ZBTB7C: variants seen among roughly 807,000 people sequenced by gnomAD.
The protein encoded by ZBTB7C is zinc finger and BTB domain-containing protein 7C.
Under a neutral mutation model 25.7 loss-of-function variants are expected in ZBTB7C, and 8 were observed. The ratio of observed to expected loss-of-function variants is 0.31; its 90% CI spans 0.18 to 0.56. The LOEUF (loss-of-function observed/expected upper bound fraction) is 0.56. Ranked by LOEUF, ZBTB7C falls within the 20% of genes least tolerant of loss-of-function variation. ZBTB7C has a pLI of 0.91. For missense variants in ZBTB7C, 824 were observed against 855.2 expected (o/e 0.96, Z 0.46); for synonymous variants, 394 against 369.0 (o/e 1.07, Z -0.78).
intron 3 of ZBTB7C, among the ~76,000 whole-genome samples, chr18:48,168,911 G>A (rs1242248064): frequency 1.3e-5 from 2 of 152,182 alleles, no homozygotes; most frequent in South Asian, 4.1e-4. Context: ...AAGATTAGAA[G>A]CAGAAGATTT....
At chr18:48,305,242 T>C (rs1291531334) in intron 2 of ZBTB7C, among the ~76,000 whole-genome samples, 2 of 152,204 alleles carry the variant, frequency 1.3e-5, no homozygotes, top group African/African-American at 4.8e-5. Flanking sequence ...ATTATCTGCG[T>C]GGCTGTTGCT....
At chr18:48,129,084 A>G (rs1371231673) in intron 3 of ZBTB7C, among the ~76,000 whole-genome samples, 8 of 152,094 alleles carry the variant, frequency 5.3e-5, no homozygotes, top group Admixed American at 5.2e-4. Flanking sequence ...ATGATTTCGG[A>G]ACACAGATTC....
At chr18:48,200,370 G>A (rs1018888035) in intron 2 of ZBTB7C, among the ~76,000 whole-genome samples, 2 of 151,994 alleles carry the variant, frequency 1.3e-5, no homozygotes, top group Non-Finnish European at 2.9e-5. Context: ...GGTGTTTGTA[G>A]TACAGGCCAG....
At chr18:48,133,555 G>C (rs2040052352) in intron 3 of ZBTB7C, among the ~76,000 whole-genome samples, 2 of 151,166 alleles carry the variant, frequency 1.3e-5, no homozygotes, top group South Asian at 4.2e-4. Context: ...ATAACATGCA[G>C]AATGTATGAT....
intron 3 of ZBTB7C, chr18:48,083,875 A>G: frequency 1.0e-6 from 1 of 985,404 alleles, no homozygotes; most frequent in Non-Finnish European, 1.2e-6. Flanking sequence ...TTGTCCCTGA[A>G]GAAAGGAAGA....
intron 2 of ZBTB7C, among the ~76,000 whole-genome samples, chr18:48,226,777 T>C (rs1044533291): frequency 1.3e-5 from 2 of 152,088 alleles, no homozygotes; most frequent in Admixed American, 1.3e-4. Context: ...TCCCAGCACT[T>C]TGGGAGGCCA....
chr18:48,377,396 T>G (rs1307765895), intron 1 of ZBTB7C, among the ~76,000 whole-genome samples: 1 of 152,170 alleles, frequency 6.6e-6, no homozygotes, highest in Non-Finnish European at 1.5e-5. Context: ...GAGTTAACTC[T>G]GCTTGGGGAA....
chr18:48,196,777 G>A (rs780936960), intron 2 of ZBTB7C, among the ~76,000 whole-genome samples: 1 of 151,912 alleles, frequency 6.6e-6, no homozygotes, highest in African/African-American at 2.4e-5. Context: ...CCACCCAACC[G>A]ACCAACCAAC....
intron 3 of ZBTB7C, among the ~76,000 whole-genome samples, chr18:48,154,355 A>C (rs1009654602): frequency 6.6e-6 from 1 of 152,202 alleles, no homozygotes; most frequent in African/African-American, 2.4e-5. Flanking sequence ...CTCTGCAGGC[A>C]GGGGCACAGC....
chr18:48,293,197 C>T (rs2144697804), intron 2 of ZBTB7C, among the ~76,000 whole-genome samples: 1 of 152,232 alleles, frequency 6.6e-6, no homozygotes, highest in East Asian at 1.9e-4. Context: ...GTTCTGAAGG[C>T]TGGGAAGCCC....
chr18:48,073,115 G>A (rs997427277), intron 3 of ZBTB7C, among the ~76,000 whole-genome samples: 1 of 152,212 alleles, frequency 6.6e-6, no homozygotes, highest in Non-Finnish European at 1.5e-5. Context: ...CTCAGAACTG[G>A]CCAGAGTGGA....
intron 3 of ZBTB7C, among the ~76,000 whole-genome samples, chr18:48,152,180 A>G (rs2040699945): frequency 6.6e-6 from 1 of 152,172 alleles, no homozygotes; most frequent in African/African-American, 2.4e-5. Context: ...GGTCCTTAAC[A>G]GTGTCTCTGG....
At chr18:48,262,178 G>C (rs1004588102) in intron 2 of ZBTB7C, among the ~76,000 whole-genome samples, 3 of 152,214 alleles carry the variant, frequency 2.0e-5, no homozygotes, top group Non-Finnish European at 4.4e-5. Flanking sequence ...AGGCACAGGA[G>C]AGTAAAATGA....
intron 1 of ZBTB7C, among the ~76,000 whole-genome samples, chr18:48,388,720 G>C (rs1054361425): frequency 1.3e-5 from 2 of 152,106 alleles, no homozygotes; most frequent in African/African-American, 4.8e-5. Context: ...CTGCCCTCCA[G>C]CCTGGGCAAC....
intron 2 of ZBTB7C, among the ~76,000 whole-genome samples, chr18:48,275,545 C>T (rs567403692): frequency 2.6e-5 from 4 of 152,270 alleles, no homozygotes; most frequent in African/African-American, 9.6e-5. Context: ...AGCGACTTGC[C>T]CTAAATCACA....
intron 2 of ZBTB7C, among the ~76,000 whole-genome samples, chr18:48,221,909 T>C (rs2042972006): frequency 1.3e-5 from 2 of 151,074 alleles, no homozygotes; most frequent in South Asian, 4.2e-4. Context: ...AGTCTCCCTC[T>C]ATACTGTCCT....
In ZBTB7C at chr18:48,390,696, G is replaced by A. The variant is rs533588256; in HGVS notation, c.-304+18530C>T. Among the ~76,000 whole-genome samples, 11 of 152,260 alleles carry A rather than the reference G, an allele frequency of 7.2e-5. 1 individual carries two copies. The East Asian group carries it at 1.5e-3, about 21-fold the overall frequency. ...CCCCACAGGTAAAATGAGATGCTGC[G>A]TCCCAGCATCGCCAAGGTGTGGTTC... On this transcript the variant is annotated intron_variant, in intron 1 of 4. Transcript: ENST00000590800.
At chr18:48,332,524 C>A (rs897265927) in intron 2 of ZBTB7C, among the ~76,000 whole-genome samples, 1 of 152,046 alleles carries the variant, frequency 6.6e-6, no homozygotes, top group Non-Finnish European at 1.5e-5. Flanking sequence ...ATATTATATT[C>A]TAGAATTTGG....
At chr18:48,323,760 A>G (rs966056569) in intron 2 of ZBTB7C, among the ~76,000 whole-genome samples, 17 of 152,154 alleles carry the variant, frequency 1.1e-4, no homozygotes, top group African/African-American at 4.1e-4. Flanking sequence ...TCAGTTGTCA[A>G]TGAGGTGTGC....
Sources: allele counts gnomAD v4.1 joint callset (sites outside exome capture counted in the v4.1 genomes callset), GRCh38; gene constraint gnomAD v4.1.1; transcripts MANE v1.5; gene names NCBI Gene and HGNC (gene_info 2026-07-23, HGNC 2026-07-21).